The following PRIMA1 variants were observed in gnomAD, a reference collection of about 807,000 sequenced individuals.
PRIMA1 encodes the protein proline-rich membrane anchor 1.
A neutral mutation model predicts 17.5 loss-of-function variants in PRIMA1; 7 were observed. The observed-to-expected ratio is 0.40, with a 90% confidence interval of 0.23 to 0.75. PRIMA1 has a LOEUF of 0.75. Ranked by LOEUF, PRIMA1 falls within the 30% of genes least tolerant of loss-of-function variation. The probability of loss-of-function intolerance (pLI) is 0.37; values close to 1 mark genes in which losing one functional copy is unlikely to be tolerated. For missense variants in PRIMA1, 200 were observed against 201.8 expected (o/e 0.99, Z 0.05); for synonymous variants, 97 against 77.9 (o/e 1.25, Z -1.29).
rs966610399 is a variant in PRIMA1, at chr14:93,721,255, G to A, written c.*189C>T. The A allele has an allele frequency of 1.8e-6, 1 of 566,336 alleles. No individual in the cohort carries two copies. The highest frequency in any genetic ancestry group is 3.1e-6 in the Non-Finnish European group (1 of 318,778). The allele number at this position is 566,336 out of a possible 1,614,324, so 35.1% of individuals were successfully genotyped here. On this transcript the variant is annotated 3_prime_UTR_variant, in exon 5 of 5. Coordinates refer to ENST00000393140, the MANE Select transcript of PRIMA1 (RefSeq NM_178013.4). ...GCGCCGGGCTCAGCCTGGTGTCCGA[G>A]CTGCCTGGGCCCGCAGGCTGACCAG...
At chr14:93,787,092 C>T (rs775115066) in intron 2 of PRIMA1, among the ~76,000 whole-genome samples, 12 of 152,162 alleles carry the variant, frequency 7.9e-5, no homozygotes, top group Non-Finnish European at 1.3e-4. Context: ...TTAGTGGCTG[C>T]CTGGCCTCTG....
chr14:93,781,884 G>T (rs944756781), intron 2 of PRIMA1, among the ~76,000 whole-genome samples: 2 of 152,140 alleles, frequency 1.3e-5, no homozygotes, highest in Non-Finnish European at 2.9e-5. Flanking sequence ...CTGAGGCAGA[G>T]AATGACTTGA....
chr14:93,763,265 C>T (rs573086567), intron 3 of PRIMA1, among the ~76,000 whole-genome samples: 3 of 152,306 alleles, frequency 2.0e-5, no homozygotes, highest in Non-Finnish European at 2.9e-5. Context: ...TCCGGCATCC[C>T]GGGGACTCTG....
At chr14:93,785,469 A>G (rs981494343) in intron 2 of PRIMA1, among the ~76,000 whole-genome samples, 1 of 152,144 alleles carries the variant, frequency 6.6e-6, no homozygotes, top group East Asian at 1.9e-4. Context: ...TAATCATAGG[A>G]CTTTGTTATG....
chr14:93,769,972 GA>G (rs577994764), intron 3 of PRIMA1, among the ~76,000 whole-genome samples: 125 of 152,274 alleles, frequency 8.2e-4, no homozygotes, highest in African/African-American at 2.1e-3. Flanking sequence ...GGACCAAGGA[GA>G]GGGGGCGCCA....
At chr14:93,730,638 C>T (rs2076108213) in intron 4 of PRIMA1, among the ~76,000 whole-genome samples, 1 of 152,204 alleles carries the variant, frequency 6.6e-6, no homozygotes, top group South Asian at 2.1e-4. Context: ...CATTTCCACC[C>T]CTCCCTGGCA....
At chr14:93,747,241 G>A (rs2076223952) in intron 3 of PRIMA1, among the ~76,000 whole-genome samples, 1 of 152,282 alleles carries the variant, frequency 6.6e-6, no homozygotes, top group South Asian at 2.1e-4. Context: ...GTCAGGAAGG[G>A]ACGTCCAGGA....
chr14:93,723,969 T>C (rs1275382751), intron 4 of PRIMA1, among the ~76,000 whole-genome samples: 1 of 152,180 alleles, frequency 6.6e-6, no homozygotes, highest in Non-Finnish European at 1.5e-5. Context: ...ACTGCAACCT[T>C]GCACTCCTGA....
At chr14:93,752,595 G>A (rs1364827291) in intron 3 of PRIMA1, among the ~76,000 whole-genome samples, 1 of 152,158 alleles carries the variant, frequency 6.6e-6, no homozygotes, top group African/African-American at 2.4e-5. Flanking sequence ...AACAGGGCCA[G>A]GCCCCAGGCC....
intron 3 of PRIMA1, among the ~76,000 whole-genome samples, chr14:93,774,703 C>T (rs571266146): frequency 6.6e-6 from 1 of 152,292 alleles, no homozygotes; most frequent in African/African-American, 2.4e-5. Context: ...TTTGTAATTA[C>T]GTATCCCCTT....
chr14:93,762,040 T>G (rs532763395), intron 3 of PRIMA1, among the ~76,000 whole-genome samples: 4 of 152,268 alleles, frequency 2.6e-5, no homozygotes, highest in Admixed American at 6.5e-5. Context: ...AGAAACAACC[T>G]CCCTCGATGG....
At chr14:93,776,862 C>A (rs1885235245) in intron 3 of PRIMA1, among the ~76,000 whole-genome samples, 1 of 152,216 alleles carries the variant, frequency 6.6e-6, no homozygotes, top group African/African-American at 2.4e-5. Flanking sequence ...TACTTCTCTC[C>A]CTTTTTAACA....
Position 93,726,040 on chromosome 14 carries a change from C to T in PRIMA1, c.360-4494G>A. Reference sequence around the variant, plus strand: ...CAAGAGAGAGGTTAGTGAGACTTTCCTTGGCGGCACCCAGGATTCCTGCTT... The same window carrying T: ...CAAGAGAGAGGTTAGTGAGACTTTCTTTGGCGGCACCCAGGATTCCTGCTT... On this transcript the variant is annotated intron_variant, in intron 4 of 4. Coordinates refer to ENST00000393140, the MANE Select transcript of PRIMA1 (RefSeq NM_178013.4). The surrounding 1 kb of genome is among the most constrained non-coding windows in gnomAD (Gnocchi z 4.2). 2.2e-6 allele frequency: 1 copy of T among 456,576 alleles called. No homozygotes were observed. Among genetic ancestry groups the T allele is most frequent in the Non-Finnish European group, 4.4e-6 (1 of 226,874 alleles). The allele number at this position is 456,576 out of a possible 1,614,324, so 28.3% of individuals were successfully genotyped here.
chr14:93,782,124 C>T (rs1439404006), intron 2 of PRIMA1, among the ~76,000 whole-genome samples: 3 of 152,018 alleles, frequency 2.0e-5, no homozygotes, highest in Non-Finnish European at 2.9e-5. Flanking sequence ...AAAAATTAGC[C>T]GGGCGTGGCG....
At chr14:93,757,458 A>G (rs901888136) in intron 3 of PRIMA1, among the ~76,000 whole-genome samples, 31 of 152,260 alleles carry the variant, frequency 2.0e-4, no homozygotes, top group African/African-American at 7.2e-4. Context: ...ATAAAAAGAT[A>G]AACTGCTTTG....
At chr14:93,747,542 G>A (rs929786882) in intron 3 of PRIMA1, among the ~76,000 whole-genome samples, 5 of 151,930 alleles carry the variant, frequency 3.3e-5, no homozygotes, top group African/African-American at 1.2e-4. Flanking sequence ...GGTGGAGTGT[G>A]TGAGTGTGTG....
Position 93,767,057 on chromosome 14 carries a change from C to T in PRIMA1, c.229+12119G>A, listed in dbSNP as rs138000826. 7.5e-3 allele frequency among the ~76,000 whole-genome samples: 1,138 copies of T among 152,296 alleles called. 10 individuals are homozygous for T. Among genetic ancestry groups the T allele is most frequent in the African/African-American group, 0.026 (1,081 of 41,564 alleles). On this transcript the variant is annotated intron_variant, in intron 3 of 4. Coordinates refer to ENST00000393140, the MANE Select transcript of PRIMA1 (RefSeq NM_178013.4). ...TACAAGACTTGAACCAACCTCACGT[C>T]GCCATGACCAACGTCTGCAATAATT...
intron 4 of PRIMA1, among the ~76,000 whole-genome samples, chr14:93,732,381 C>T (rs1427534482): frequency 1.3e-5 from 2 of 152,154 alleles, no homozygotes; most frequent in African/African-American, 4.8e-5. Flanking sequence ...GGGTGCCTTG[C>T]CCCTTGGAGC....
chr14:93,758,790 G>T (rs552106393), intron 3 of PRIMA1, among the ~76,000 whole-genome samples: 2 of 152,102 alleles, frequency 1.3e-5, no homozygotes, highest in African/African-American at 4.8e-5. Flanking sequence ...CATGAGCAAA[G>T]CATTGTGCAA....
Sources: gnomAD v4.1 joint callset for allele counts (sites outside exome capture counted in the v4.1 genomes callset) on GRCh38, gnomAD v4.1.1 for gene constraint, Gnocchi (gnomAD v3.1) non-coding constraint, MANE v1.5 for transcripts, NCBI Gene and HGNC (gene_info 2026-07-23, HGNC 2026-07-21) for gene names.